Variants in STK32C observed in about 807,000 individuals in gnomAD.
STK32C encodes the protein serine/threonine-protein kinase 32C.
STK32C carries 31 observed loss-of-function variants against 56.5 expected under a neutral mutation model. The ratio of observed to expected loss-of-function variants is 0.55; its 90% confidence interval spans 0.41 to 0.74. STK32C has a LOEUF of 0.74. STK32C is among the 30% of genes least tolerant of loss of function. The probability of loss-of-function intolerance (pLI) is 0.00; values close to 1 mark genes in which losing one functional copy is unlikely to be tolerated. For missense variants in STK32C, 544 were observed against 676.9 expected (o/e 0.80, Z 2.18); for synonymous variants, 309 against 289.4 (o/e 1.07, Z -0.69).
chr10:132,256,709 T>C (rs1590289048), intron 1 of STK32C, among the ~76,000 whole-genome samples: 2 of 147,864 alleles, frequency 1.4e-5, no homozygotes, highest in East Asian at 4.3e-4. Flanking sequence ...TGCCTCTCAC[T>C]GCGCAGGGCC....
chr10:132,257,883 C>G (rs545338395), intron 1 of STK32C, among the ~76,000 whole-genome samples: 33 of 152,282 alleles, frequency 2.2e-4, no homozygotes, highest in Non-Finnish European at 3.8e-4. Context: ...TGCAGCCTGC[C>G]TGAGGCCCAA....
At position 132,281,246 on chromosome 10, in the gene STK32C, C is replaced by A. The variant is rs547214359; in HGVS notation, c.262+26326G>T. Among the ~76,000 whole-genome samples, 8 of 151,892 alleles carry A rather than the reference C, an allele frequency of 5.3e-5. No individual in the cohort carries two copies. In the East Asian group the frequency reaches 1.6e-3, roughly 31 times the overall value. On this transcript the variant is annotated intron_variant, in intron 1 of 11. Coordinates refer to ENST00000298630, the MANE Select transcript of STK32C (RefSeq NM_173575.4). The stretch of plus-strand genomic sequence containing the variant: ...AGACAGAGTGACCTTCAGGCCCCAT[C>A]TTTTGCTTCTCTAGACTATGTCCGT...
chr10:132,269,716 C>T (rs913822779), intron 1 of STK32C, among the ~76,000 whole-genome samples: 3 of 152,246 alleles, frequency 2.0e-5, no homozygotes, highest in Non-Finnish European at 2.9e-5. Context: ...CCTCGCCTTG[C>T]AAAAGGTGGA....
In STK32C at chr10:132,281,677, C is replaced by T. The variant is rs563224854; in HGVS notation, c.262+25895G>A. 6.6e-5 allele frequency among the ~76,000 whole-genome samples: 10 copies of T among 152,334 alleles called. No individual in the cohort carries two copies. In the East Asian group the frequency reaches 1.9e-3, roughly 29 times the overall value. On this transcript the variant is annotated intron_variant, in intron 1 of 11. Coordinates refer to ENST00000298630, the MANE Select transcript of STK32C (RefSeq NM_173575.4). ...TCCGGTTGGAAAGCACTGTTGCGGA[C>T]AGGGAGTATCCCCCTGGGCCGGTCG... is the stretch of plus-strand genomic sequence containing the variant.
chr10:132,291,521 GGAA>G (rs916829405), intron 1 of STK32C, among the ~76,000 whole-genome samples: 4 of 152,184 alleles, frequency 2.6e-5, no homozygotes, highest in African/African-American at 9.7e-5. Flanking sequence ...CCACCTAGTG[GGAA>G]GAAGGGCTGT....
At chr10:132,285,622 T>C (rs2065376468) in intron 1 of STK32C, among the ~76,000 whole-genome samples, 2 of 152,178 alleles carry the variant, frequency 1.3e-5, no homozygotes, top group Admixed American at 1.3e-4. Context: ...AAAGGTTTAA[T>C]CATCAGAAAG....
At chr10:132,230,778 T>C (rs1456262453) in intron 2 of STK32C, among the ~76,000 whole-genome samples, 2 of 151,838 alleles carry the variant, frequency 1.3e-5, no homozygotes, top group Admixed American at 6.6e-5. Flanking sequence ...AGGCTTTCTG[T>C]CGCTTGTGCA....
At chr10:132,225,437 C>A (rs1480860894) in intron 6 of STK32C, 90 bp downstream of exon 6, 1 of 1,592,422 alleles carries the variant, frequency 6.3e-7, no homozygotes, top group African/African-American at 1.3e-5. Context: ...GACCAGGCTG[C>A]CTCCAGGGTG....
intron 10 of STK32C, among the ~76,000 whole-genome samples, chr10:132,218,791 A>G (rs2062545737): frequency 6.6e-6 from 1 of 152,248 alleles, no homozygotes; most frequent in Non-Finnish European, 1.5e-5. Flanking sequence ...AAATGTTAAC[A>G]AGTGGAAAGA....
chr10:132,280,216 CTG>C (rs1263787316), intron 1 of STK32C, among the ~76,000 whole-genome samples: 1 of 145,922 alleles, frequency 6.9e-6, no homozygotes, highest in Non-Finnish European at 1.5e-5. Context: ...TCCCTGCACT[CTG>C]TGATCACGCT....
At chr10:132,302,236 C>A (rs572261997) in intron 1 of STK32C, among the ~76,000 whole-genome samples, 2 of 152,382 alleles carry the variant, frequency 1.3e-5, no homozygotes, top group East Asian at 3.9e-4. Context: ...GGCATCCTCG[C>A]ATTACTTCTC....
chr10:132,209,119 C>A lies in STK32C; in HGVS notation c.1252-18G>T. On this transcript the variant is annotated intron_variant, in intron 10 of 11. Transcript: ENST00000298630. ...TCATTCTCCTGTGGATGGAAAGGCA[C>A]ACGTGAGCGTGGGGGACGCTGTCCA... The A allele has an allele frequency of 6.2e-7, 1 of 1,612,088 alleles. No individual in the cohort carries two copies. Among genetic ancestry groups the A allele is most frequent in the Non-Finnish European group, 8.5e-7 (1 of 1,178,582 alleles).
chr10:132,273,725 G>GGTGAGTGAATGAATGCACA (rs1432012046), intron 1 of STK32C, among the ~76,000 whole-genome samples: 3 of 152,224 alleles, frequency 2.0e-5, no homozygotes, highest in African/African-American at 7.2e-5. Context: ...ATGAACACAC[G>GGTGAGTGAATGAATGCACA]GTGAGTGAAT....
chr10:132,282,071 C>T (rs996986244), intron 1 of STK32C, among the ~76,000 whole-genome samples: 1 of 152,250 alleles, frequency 6.6e-6, no homozygotes, highest in African/African-American at 2.4e-5. Context: ...GGCAGCAGCC[C>T]AGCCGCTCCG....
rs76963646 is a variant in STK32C, at chr10:132,297,490, A to G, written c.262+10082T>C. Among the ~76,000 whole-genome samples the G allele has an allele frequency of 8.7e-4, 133 of 152,318 alleles. 1 individual carries two copies. The East Asian group carries it at 0.011, about 13-fold the overall frequency. ...TCTGGGGCTGGGGTCCCAGGGTCCA[A>G]TGCTTTCTTCAGAACAGATTTTTTT... On this transcript the variant is annotated intron_variant, in intron 1 of 11. Transcript: ENST00000298630.
intron 1 of STK32C, among the ~76,000 whole-genome samples, chr10:132,261,469 G>T (rs373122534): frequency 6.6e-6 from 1 of 152,112 alleles, no homozygotes; most frequent in South Asian, 2.1e-4. Flanking sequence ...AAAATACTGC[G>T]GATAGAAATC....
chr10:132,228,168 G>C, intron 2 of STK32C, 40 bp from the exon 3 acceptor site: 1 of 1,613,026 alleles, frequency 6.2e-7, no homozygotes, highest in Non-Finnish European at 8.5e-7. Context: ...GCCTGAGGAC[G>C]CCTGGGGACA....
chr10:132,315,473 TTAAAAG>T (rs2066293891), intron 1 of STK32C, among the ~76,000 whole-genome samples: 2 of 151,126 alleles, frequency 1.3e-5, no homozygotes, highest in Non-Finnish European at 3.0e-5. Flanking sequence ...ATCCCAGAAC[TTAAAAG>T]TAAAATAAAT....
chr10:132,271,448 G>A (rs998334132), intron 1 of STK32C, among the ~76,000 whole-genome samples: 32 of 152,196 alleles, frequency 2.1e-4, no homozygotes, highest in African/African-American at 3.1e-4. Flanking sequence ...GTGTGGGCCC[G>A]TGCTGTGCCC....
Sources: gnomAD v4.1 joint callset for allele counts (sites outside exome capture counted in the v4.1 genomes callset) on GRCh38, gnomAD v4.1.1 for gene constraint, MANE v1.5 for transcripts, NCBI Gene and HGNC (gene_info 2026-07-23, HGNC 2026-07-21) for gene names.